The following ANGPTL2 variants were observed in gnomAD, a reference collection of about 807,000 sequenced individuals.
ANGPTL2 encodes the protein angiopoietin like 2.
A neutral mutation model predicts 52.8 loss-of-function variants in ANGPTL2; 25 were observed. That is an observed-to-expected ratio of 0.47 (90% CI 0.35 to 0.66). ANGPTL2 has a LOEUF of 0.66. Among genes scored for constraint, ANGPTL2 ranks in the 30% least tolerant of loss-of-function variants. The probability of loss-of-function intolerance (pLI) is 0.01; values close to 1 mark genes in which losing one functional copy is unlikely to be tolerated. For missense variants in ANGPTL2, 546 were observed against 656.9 expected (o/e 0.83, Z 1.84); for synonymous variants, 276 against 277.4 (o/e 1.00, Z 0.05).
intron 3 of ANGPTL2, 80 bp downstream of exon 3, chr9:127,093,653 C>G: frequency 6.5e-7 from 1 of 1,539,858 alleles, no homozygotes; most frequent in Non-Finnish European, 8.9e-7. Flanking sequence ...TGAGTGGGCT[C>G]TTCTATTGGT....
In ANGPTL2 at chr9:127,108,133, A is replaced by G. The variant is rs2054413910; in HGVS notation, c.599T>C (p.Leu200Pro). The G allele has an allele frequency of 1.2e-6, 2 of 1,613,994 alleles. No homozygotes were observed. Among genetic ancestry groups the G allele is most frequent in the Non-Finnish European group, 1.7e-6 (2 of 1,179,942 alleles). Residue 200 changes from leucine (L) to proline (P), a missense_variant, in exon 2 of 5, where the codon CTT (leucine) becomes CCT (proline). This residue lies in a region of ANGPTL2 where 285 missense variants were observed against 295.8 expected (regional missense o/e 0.96). Coordinates refer to ENST00000373425, the MANE Select transcript of ANGPTL2 (RefSeq NM_012098.3). ...GGGCACCCTCTGGCAGTGCTCCTCA[A>G]GCTGCGCGATGATCTCTGATTGGTT... ...AHNQSEIIAQ[L>P]EEHCQRVPSA...
In ANGPTL2 at chr9:127,093,966, G is replaced by A. The variant is rs909565770; in HGVS notation, c.818-40C>T. 3 of 1,595,236 alleles carry A rather than the reference G, an allele frequency of 1.9e-6. No individual in the cohort carries two copies. In the African/African-American group the frequency reaches 4.0e-5, roughly 21 times the overall value. Reference sequence around the variant, plus strand: ...ATGCATATACATCACAGACCTGCCTGTCACCAGGCCGCACCCCCAGCTGCA... The same window carrying A: ...ATGCATATACATCACAGACCTGCCTATCACCAGGCCGCACCCCCAGCTGCA... On this transcript the variant is annotated intron_variant, in intron 2 of 4. Coordinates refer to ENST00000373425, the MANE Select transcript of ANGPTL2 (RefSeq NM_012098.3).
At chr9:127,115,246 A>G (rs973842798) in intron 1 of ANGPTL2, among the ~76,000 whole-genome samples, 7 of 151,950 alleles carry the variant, frequency 4.6e-5, no homozygotes, top group African/African-American at 1.5e-4. Flanking sequence ...CTGGAGTGCA[A>G]TGGCACCATC....
chr9:127,093,059 T>G (rs568770372), intron 3 of ANGPTL2, among the ~76,000 whole-genome samples: 1 of 152,094 alleles, frequency 6.6e-6, no homozygotes, highest in Admixed American at 6.5e-5. Flanking sequence ...TGATACGAGA[T>G]TAAACAAAAT....
rs1009358111 is a variant in ANGPTL2, at chr9:127,108,807, G to A, written c.-49-27C>T. Reference sequence around the variant, plus strand: ...TGAAAGTAAACAGAGGGGAGAATCAGTGATGGTCCCACCACTGTCAGTGCC... The same window carrying A: ...TGAAAGTAAACAGAGGGGAGAATCAATGATGGTCCCACCACTGTCAGTGCC... On this transcript the variant is annotated intron_variant, in intron 1 of 4. Transcript: ENST00000373425. The A allele has an allele frequency of 9.8e-6, 14 of 1,434,616 alleles. No individual in the cohort carries two copies. In the Admixed American group the frequency reaches 2.0e-4, roughly 21 times the overall value. The allele number at this position is 1,434,616 out of a possible 1,614,324, so 88.9% of individuals were successfully genotyped here.
At chr9:127,095,446 G>A (rs2136570117) in intron 2 of ANGPTL2, among the ~76,000 whole-genome samples, 1 of 152,294 alleles carries the variant, frequency 6.6e-6, no homozygotes, top group East Asian at 1.9e-4. Context: ...GACTGGTTAA[G>A]GACAAAAGTG....
intron 2 of ANGPTL2, among the ~76,000 whole-genome samples, chr9:127,099,548 C>A (rs942633533): frequency 6.6e-6 from 1 of 152,152 alleles, no homozygotes; most frequent in Non-Finnish European, 1.5e-5. Flanking sequence ...TCACTGGGCA[C>A]CCCATGAGGG....
chr9:127,098,380 A>C (rs981365939), intron 2 of ANGPTL2, among the ~76,000 whole-genome samples: 2 of 152,148 alleles, frequency 1.3e-5, no homozygotes, highest in African/African-American at 4.8e-5. Flanking sequence ...CTGGGCTCAG[A>C]GTGGAGCGAG....
intron 1 of ANGPTL2, among the ~76,000 whole-genome samples, chr9:127,112,581 G>T (rs2054948405): frequency 6.6e-6 from 1 of 152,198 alleles, no homozygotes; most frequent in Admixed American, 6.5e-5. Flanking sequence ...TCCCAAACAT[G>T]GGCTCTCACA....
At chr9:127,120,949 T>C (rs1296867307) in intron 1 of ANGPTL2, among the ~76,000 whole-genome samples, 1 of 152,042 alleles carries the variant, frequency 6.6e-6, no homozygotes, top group African/African-American at 2.4e-5. Context: ...CACCAGGCAC[T>C]AAGCCAAGGC....
intron 1 of ANGPTL2, among the ~76,000 whole-genome samples, chr9:127,119,640 C>T (rs1479103159): frequency 6.6e-6 from 1 of 152,128 alleles, no homozygotes; most frequent in Non-Finnish European, 1.5e-5. Context: ...CTTATTTAGC[C>T]CAGTGGGTAC....
rs376778955 is a variant in ANGPTL2, at chr9:127,093,886, G to A, written c.858C>T (p.His286=). 49 of 1,613,930 alleles carry A rather than the reference G, an allele frequency of 3.0e-5. No homozygotes were observed. The highest frequency in any genetic ancestry group is 1.6e-4 in the African/African-American group (12 of 74,892). The part of the protein sequence containing the change: ...RDCLQALEDG[H]DTSSIYLVKP... ...TCACCAGGTAGATGGAGCTGGTGTC[G>A]TGGCCATCCTCCAGGGCCTGCAGGC... Residue 286 remains histidine, a synonymous_variant, in exon 3 of 5, where the codon CAC becomes CAT. Coordinates refer to ENST00000373425, the MANE Select transcript of ANGPTL2 (RefSeq NM_012098.3).
intron 1 of ANGPTL2, among the ~76,000 whole-genome samples, chr9:127,112,098 G>A (rs756628735): frequency 2.6e-5 from 4 of 152,196 alleles, no homozygotes; most frequent in Non-Finnish European, 4.4e-5. Context: ...GCCTTGCTGA[G>A]CTGTTTTCCA....
intron 2 of ANGPTL2, among the ~76,000 whole-genome samples, chr9:127,100,249 C>T (rs1203172707): frequency 6.6e-6 from 1 of 152,082 alleles, no homozygotes; most frequent in Non-Finnish European, 1.5e-5. Flanking sequence ...AAAATTGTTC[C>T]AGTAAAAATT....
intron 1 of ANGPTL2, among the ~76,000 whole-genome samples, chr9:127,114,881 A>G (rs777776046): frequency 3.3e-5 from 5 of 152,244 alleles, no homozygotes; most frequent in African/African-American, 1.2e-4. Flanking sequence ...AACTATCATC[A>G]GGACAGAAGA....
intron 1 of ANGPTL2, among the ~76,000 whole-genome samples, chr9:127,117,628 C>G (rs917919824): frequency 6.6e-6 from 1 of 152,212 alleles, no homozygotes; most frequent in African/African-American, 2.4e-5. Flanking sequence ...GGCTGGACAA[C>G]AGAGAGAGGA....
chr9:127,116,377 C>T (rs1361926677), intron 1 of ANGPTL2, among the ~76,000 whole-genome samples: 1 of 152,110 alleles, frequency 6.6e-6, no homozygotes, highest in Non-Finnish European at 1.5e-5. Flanking sequence ...GGGACAAGGA[C>T]ACTGCTGTTA....
chr9:127,112,399 G>A (rs1335090468), intron 1 of ANGPTL2, among the ~76,000 whole-genome samples: 1 of 152,242 alleles, frequency 6.6e-6, no homozygotes, highest in Non-Finnish European at 1.5e-5. Context: ...CTGCTCACCT[G>A]AGGCAGTGGG....
At chr9:127,119,989 G>A (rs1038872990) in intron 1 of ANGPTL2, among the ~76,000 whole-genome samples, 4 of 152,192 alleles carry the variant, frequency 2.6e-5, no homozygotes, top group East Asian at 3.8e-4. Context: ...GCTTCCAAGC[G>A]TGCAGGGAGC....
Sources: gnomAD v4.1 joint callset for allele counts (sites outside exome capture counted in the v4.1 genomes callset) on GRCh38, gnomAD v4.1.1 for gene constraint, gnomAD v4.1.1 regional missense constraint, MANE v1.5 for transcripts, NCBI Gene and HGNC (gene_info 2026-07-23, HGNC 2026-07-21) for gene names.